EPHA5: variants seen among roughly 807,000 people sequenced by gnomAD.
EPHA5 encodes the protein ephrin type-A receptor 5.
Under a neutral mutation model 105.0 loss-of-function variants are expected in EPHA5, and 60 were observed. The observed-to-expected ratio is 0.57, with a 90% CI of 0.46 to 0.71. EPHA5 has a LOEUF of 0.71. Ranked by LOEUF, EPHA5 falls within the 30% of genes least tolerant of loss-of-function variation. The probability of loss-of-function intolerance (pLI) is 0.00; values close to 1 mark genes in which losing one functional copy is unlikely to be tolerated. For synonymous variants in EPHA5, 513 were observed against 449.1 expected (o/e 1.14, Z -1.80); for missense variants, 1,218 against 1,274.7 (o/e 0.96, Z 0.68).
chr4:65,651,070 G>A (rs1748567216), intron 1 of EPHA5, among the ~76,000 whole-genome samples: 1 of 152,150 alleles, frequency 6.6e-6, no homozygotes, highest in Non-Finnish European at 1.5e-5. Context: ...TGCAAAGGAA[G>A]GGAATTTAGG....
chr4:65,656,585 T>C (rs1179382548), intron 1 of EPHA5, among the ~76,000 whole-genome samples: 2 of 147,482 alleles, frequency 1.4e-5, no homozygotes, highest in Non-Finnish European at 3.0e-5. Context: ...TTTATATATA[T>C]ATTATATATA....
rs1002621899 is a variant in EPHA5, at chr4:65,319,839, G to C, written c.*4275C>G. The C allele has an allele frequency of 2.2e-5, 5 of 229,162 alleles. No individual in the cohort carries two copies. In the Admixed American group the frequency reaches 2.3e-4, roughly 10 times the overall value. 14.2% of individuals were successfully genotyped at this position (229,162 alleles called of 1,614,324 possible). ...AATGACTGAGTCTAAGTATTCTCAGGCTCTTATAAATGTAACTACTCACTT... is the reference window on the plus strand; with the variant it reads ...AATGACTGAGTCTAAGTATTCTCAGCCTCTTATAAATGTAACTACTCACTT... On this transcript the variant is annotated 3_prime_UTR_variant, in exon 17 of 17. Transcript: ENST00000613740.
chr4:65,573,621 G>A, intron 3 of EPHA5: 1 of 1,600,120 alleles, frequency 6.2e-7, no homozygotes, highest in African/African-American at 1.3e-5. Context: ...CAGAGGAATT[G>A]GCAGGTATTC....
chr4:65,667,858 C>A (rs1043484377), intron 1 of EPHA5, among the ~76,000 whole-genome samples: 2 of 152,220 alleles, frequency 1.3e-5, no homozygotes, highest in South Asian at 2.1e-4. Flanking sequence ...TACTGTTAAA[C>A]CTCTTCAAAT....
intron 5 of EPHA5, among the ~76,000 whole-genome samples, chr4:65,483,250 C>T (rs1730559905): frequency 6.6e-6 from 1 of 152,154 alleles, no homozygotes; most frequent in African/African-American, 2.4e-5. Context: ...TTTCTTAATC[C>T]AGTCTATCAT....
At chr4:65,549,256 C>T (rs909891319) in intron 3 of EPHA5, among the ~76,000 whole-genome samples, 3 of 152,038 alleles carry the variant, frequency 2.0e-5, no homozygotes, top group African/African-American at 7.2e-5. Context: ...TAACTGGCAA[C>T]ACAGAGCTGA....
At chr4:65,350,011 G>T (rs1722661571) in intron 13 of EPHA5, among the ~76,000 whole-genome samples, 1 of 152,004 alleles carries the variant, frequency 6.6e-6, no homozygotes. Context: ...AGCCTTGAAG[G>T]TTTCAGGTTC....
intron 11 of EPHA5, among the ~76,000 whole-genome samples, chr4:65,358,570 G>C (rs1042027202): frequency 6.6e-6 from 1 of 151,484 alleles, no homozygotes; most frequent in Non-Finnish European, 1.5e-5. Context: ...CAGAAAATAG[G>C]ATCTTGTACT....
At chr4:65,348,247 T>A (rs1342715595) in intron 13 of EPHA5, 44 bp from the exon 14 acceptor site, 1 of 1,565,762 alleles carries the variant, frequency 6.4e-7, no homozygotes, top group South Asian at 1.2e-5. Flanking sequence ...ATACTTCAAA[T>A]GTGCCTAGGG....
chr4:65,577,020 G>A (rs1166363788), intron 3 of EPHA5, among the ~76,000 whole-genome samples: 1 of 152,138 alleles, frequency 6.6e-6, no homozygotes, highest in African/African-American at 2.4e-5. Context: ...TCTTGAACAG[G>A]TACAAAACTT....
chr4:65,441,499 G>T (rs1220068637), intron 5 of EPHA5, among the ~76,000 whole-genome samples: 1 of 151,668 alleles, frequency 6.6e-6, no homozygotes, highest in Non-Finnish European at 1.5e-5. Flanking sequence ...GCTCACTCTG[G>T]TATTACTTAT....
At chr4:65,324,787 T>G (rs75593400) in intron 16 of EPHA5, among the ~76,000 whole-genome samples, 3,479 of 150,378 alleles carry the variant, frequency 0.023, 67 homozygotes, top group Non-Finnish European at 0.032. Context: ...ACCAGAATTT[T>G]TTTTTAATCA....
chr4:65,485,595 A>G (rs1239714200), intron 5 of EPHA5, among the ~76,000 whole-genome samples: 1 of 152,168 alleles, frequency 6.6e-6, no homozygotes, highest in East Asian at 1.9e-4. Flanking sequence ...TCTAAATACT[A>G]TGTATACATT....
At chr4:65,558,073 C>T (rs1011317611) in intron 3 of EPHA5, among the ~76,000 whole-genome samples, 1 of 151,962 alleles carries the variant, frequency 6.6e-6, no homozygotes, top group East Asian at 1.9e-4. Context: ...GACAGGGATT[C>T]ACCATGTTGG....
rs567315312 is a variant in EPHA5, at chr4:65,583,471, A to G, written c.910+18170T>C. Among the ~76,000 whole-genome samples, 20 of 151,952 alleles carry G rather than the reference A, an allele frequency of 1.3e-4. No homozygotes were observed. In the South Asian group the frequency reaches 4.1e-3, roughly 31 times the overall value. ...TCTGAATATTTAAAGTACACGAATC[A>G]ATTTATATATCACCAATAAAATTCA... On this transcript the variant is annotated intron_variant, in intron 3 of 16. Transcript: ENST00000613740.
chr4:65,605,037 C>T (rs2149446694), intron 2 of EPHA5, among the ~76,000 whole-genome samples: 1 of 152,310 alleles, frequency 6.6e-6, no homozygotes, highest in African/African-American at 2.4e-5. Context: ...AGCAATTATT[C>T]AATGCCATCC....
chr4:65,492,792 TG>T (rs1219114752), intron 4 of EPHA5, among the ~76,000 whole-genome samples: 1 of 152,136 alleles, frequency 6.6e-6, no homozygotes, highest in Admixed American at 6.5e-5. Context: ...TATAATCCTT[TG>T]GGTATATACC....
chr4:65,549,150 T>C (rs988582844), intron 3 of EPHA5, among the ~76,000 whole-genome samples: 36 of 152,056 alleles, frequency 2.4e-4, no homozygotes, highest in African/African-American at 8.2e-4. Context: ...AACTGTCAGA[T>C]TACAATGAAA....
chr4:65,611,335 T>C (rs1335161789), intron 2 of EPHA5, among the ~76,000 whole-genome samples: 2 of 152,148 alleles, frequency 1.3e-5, no homozygotes, highest in African/African-American at 4.8e-5. Flanking sequence ...AATATTGCAC[T>C]GTCCTGTTAT....
Sources: gnomAD v4.1 joint callset for allele counts (sites outside exome capture counted in the v4.1 genomes callset) on GRCh38, gnomAD v4.1.1 for gene constraint, MANE v1.5 for transcripts, NCBI Gene and HGNC (gene_info 2026-07-23, HGNC 2026-07-21) for gene names.